Variants in CACNB4 observed in about 807,000 individuals in gnomAD.
CACNB4 encodes the protein calcium voltage-gated channel auxiliary subunit beta 4, also known as voltage-dependent L-type calcium channel subunit beta-4.
A neutral mutation model predicts 71.2 loss-of-function variants in CACNB4; 32 were observed. That is an observed-to-expected ratio of 0.45 (90% CI 0.34 to 0.60). The LOEUF (loss-of-function observed/expected upper bound fraction) is 0.60, where lower values mean the gene tolerates loss of function less well. Among genes scored for constraint, CACNB4 ranks in the 20% least tolerant of loss-of-function variants. The probability of loss-of-function intolerance (pLI) is 0.01; values close to 1 mark genes in which losing one functional copy is unlikely to be tolerated. For missense variants in CACNB4, 464 were observed against 647.9 expected, an observed-to-expected ratio of 0.72 and a Z score of 3.08; for synonymous variants, 231 against 236.9, an observed-to-expected ratio of 0.97 and a Z score of 0.23.
At chr2:151,920,312 C>A (rs2099858651) in intron 2 of CACNB4, among the ~76,000 whole-genome samples, 2 of 112,048 alleles carry the variant, frequency 1.8e-5, no homozygotes, top group South Asian at 3.0e-4. Context: ...TCTTCTTCTT[C>A]TTCTTCTTTT....
At chr2:152,010,776 C>T (rs887819106) in intron 2 of CACNB4, among the ~76,000 whole-genome samples, 51 of 152,296 alleles carry the variant, frequency 3.3e-4, no homozygotes, top group African/African-American at 9.1e-4. Context: ...AATGATGGCC[C>T]GGCGGCGTTT....
intron 5 of CACNB4, among the ~76,000 whole-genome samples, chr2:151,874,619 G>GCGGTT (rs2099845483): frequency 6.6e-6 from 1 of 152,168 alleles, no homozygotes; most frequent in Non-Finnish European, 1.5e-5. Flanking sequence ...TACAGTTGGT[G>GCGGTT]CGGTTCTTAT....
chr2:152,026,328 A>T (rs1387908950), intron 2 of CACNB4, among the ~76,000 whole-genome samples: 1 of 151,412 alleles, frequency 6.6e-6, no homozygotes, highest in Non-Finnish European at 1.5e-5. Context: ...CAACATATAA[A>T]CATGCTATCA....
chr2:151,882,986 G>T (rs1348376166), intron 3 of CACNB4: 2 of 442,478 alleles, frequency 4.5e-6, no homozygotes, highest in African/African-American at 2.0e-5. Flanking sequence ...CACTGGGCAT[G>T]GGAGGTTTGA....
chr2:151,990,366 T>C (rs1283780484), intron 2 of CACNB4, among the ~76,000 whole-genome samples: 1 of 152,206 alleles, frequency 6.6e-6, no homozygotes, highest in Admixed American at 6.5e-5. Context: ...CTACTGGTTA[T>C]TCAAAAGTCA....
intron 2 of CACNB4, among the ~76,000 whole-genome samples, chr2:152,070,503 C>T (rs1686620409): frequency 6.6e-6 from 1 of 152,080 alleles, no homozygotes; most frequent in Non-Finnish European, 1.5e-5. Context: ...GGCAAAAACA[C>T]TACACTTAAC....
At chr2:151,861,951 TA>T (rs2099841849) in intron 9 of CACNB4, among the ~76,000 whole-genome samples, 1 of 152,182 alleles carries the variant, frequency 6.6e-6, no homozygotes, top group African/African-American at 2.4e-5. Flanking sequence ...ACTTAGAATT[TA>T]AAGACTATTT....
At position 152,040,692 on chromosome 2, in the gene CACNB4, C is replaced by T. The variant is rs1207824115; in HGVS notation, c.147+57638G>A. On this transcript the variant is annotated intron_variant, in intron 2 of 13. Coordinates refer to ENST00000539935, the MANE Select transcript of CACNB4 (RefSeq NM_000726.5). Reference sequence around the variant, plus strand: ...CTGACCTCAGGTGATACACTCGCCTCGGCCTCCCAAAGTGCTAGGATTACA... The same window carrying T: ...CTGACCTCAGGTGATACACTCGCCTTGGCCTCCCAAAGTGCTAGGATTACA... 3.9e-5 allele frequency among the ~76,000 whole-genome samples: 6 copies of T among 152,310 alleles called. No homozygotes were observed. The South Asian group carries it at 6.2e-4, about 16-fold the overall frequency.
chr2:152,006,797 A>C (rs1167776006), intron 2 of CACNB4, among the ~76,000 whole-genome samples: 1 of 152,106 alleles, frequency 6.6e-6, no homozygotes, highest in Non-Finnish European at 1.5e-5. Flanking sequence ...ATGGCAGCTG[A>C]ATATTTAAGT....
At chr2:151,894,344 T>A (rs1414838706) in intron 2 of CACNB4, among the ~76,000 whole-genome samples, 1 of 152,170 alleles carries the variant, frequency 6.6e-6, no homozygotes, top group Admixed American at 6.5e-5. Flanking sequence ...AGCCATATGA[T>A]CATTTCAACA....
intron 2 of CACNB4, among the ~76,000 whole-genome samples, chr2:151,958,046 T>A (rs1317289518): frequency 6.6e-6 from 1 of 152,220 alleles, no homozygotes; most frequent in Non-Finnish European, 1.5e-5. Context: ...GTGAATCTTT[T>A]GAGAAAGGGA....
chr2:151,892,540 T>C (rs1030974437), intron 2 of CACNB4, among the ~76,000 whole-genome samples: 1 of 152,198 alleles, frequency 6.6e-6, no homozygotes, highest in African/African-American at 2.4e-5. Flanking sequence ...TGGAATGATT[T>C]TTTTAAAAAA....
chr2:152,034,643 G>GT lies in CACNB4; in HGVS notation c.147+63686dup, dbSNP rs201529339. ...ATTAGAGAATGTGGGTTTTGTTTTT[G>GT]TTTTTTGTTTTCCTCTCTAGATGTT... is the stretch of plus-strand genomic sequence containing the variant. On this transcript the variant is annotated intron_variant, in intron 2 of 13. Transcript: ENST00000539935. 2.4e-3 allele frequency among the ~76,000 whole-genome samples: 366 copies of GT among 152,266 alleles called. 1 individual carries two copies. The highest frequency in any genetic ancestry group is 8.5e-3 in the African/African-American group (353 of 41,560).
intron 2 of CACNB4, among the ~76,000 whole-genome samples, chr2:151,933,500 CT>C (rs1329036263): frequency 6.6e-6 from 1 of 152,014 alleles, no homozygotes; most frequent in Non-Finnish European, 1.5e-5. Context: ...ACTGTCATCC[CT>C]CTTGTAACAG....
chr2:151,930,671 G>C (rs1289498672), intron 2 of CACNB4, among the ~76,000 whole-genome samples: 1 of 152,072 alleles, frequency 6.6e-6, no homozygotes, highest in Non-Finnish European at 1.5e-5. Flanking sequence ...AGATCTAGAA[G>C]TACTGATATG....
intron 2 of CACNB4, among the ~76,000 whole-genome samples, chr2:152,013,410 C>G (rs6736449): frequency 0.46 from 69,493 of 151,920 alleles, 17,951 homozygotes; most frequent in Non-Finnish European, 0.59. Context: ...ATTATGAATA[C>G]GGAATGTCAT....
intron 2 of CACNB4, among the ~76,000 whole-genome samples, chr2:151,974,768 G>A (rs2099873467): frequency 6.8e-6 from 1 of 147,848 alleles, no homozygotes; most frequent in African/African-American, 2.6e-5. Flanking sequence ...CCACATTGCA[G>A]CAGCCTGGGA....
chr2:151,963,988 G>A (rs572936840), intron 2 of CACNB4, among the ~76,000 whole-genome samples: 1 of 150,052 alleles, frequency 6.7e-6, no homozygotes, highest in African/African-American at 2.5e-5. Flanking sequence ...AGAATTGCTT[G>A]AGCCCGGGAG....
intron 2 of CACNB4, among the ~76,000 whole-genome samples, chr2:151,981,013 C>T (rs976343480): frequency 2.6e-5 from 4 of 152,104 alleles, no homozygotes; most frequent in Admixed American, 2.0e-4. Context: ...TCCCCTACCC[C>T]GACTGCTTCT....
Sources: gnomAD v4.1 joint callset for allele counts (sites outside exome capture counted in the v4.1 genomes callset) on GRCh38, gnomAD v4.1.1 for gene constraint, MANE v1.5 for transcripts, NCBI Gene and HGNC (gene_info 2026-07-23, HGNC 2026-07-21) for gene names.